The following STRIP2 variants were observed in gnomAD, a reference collection of about 807,000 sequenced individuals.
STRIP2 encodes striatin-interacting protein 2.
STRIP2 carries 84 observed loss-of-function variants against 107.1 expected under a neutral mutation model. The ratio of observed to expected loss-of-function variants is 0.78; its 90% confidence interval spans 0.66 to 0.94. STRIP2 has a LOEUF of 0.94. Ranked by LOEUF, STRIP2 falls within the 40% of genes least tolerant of loss-of-function variation. STRIP2 has a pLI of 0.00. For synonymous variants in STRIP2, 394 were observed against 400.4 expected (o/e 0.98, Z 0.19); for missense variants, 888 against 1,034.2 (o/e 0.86, Z 1.94).
At chr7:129,477,146 G>GGAGA (rs1798983883) in intron 18 of STRIP2, among the ~76,000 whole-genome samples, 2 of 146,326 alleles carry the variant, frequency 1.4e-5, no homozygotes, top group Non-Finnish European at 3.0e-5. Flanking sequence ...CTTCCGCTCG[G>GGAGA]CATCAGAGGG....
chr7:129,472,804 T>TG (rs774857886), intron 18 of STRIP2, among the ~76,000 whole-genome samples: 46 of 136,770 alleles, frequency 3.4e-4, no homozygotes, highest in Non-Finnish European at 5.7e-4. Context: ...TTTTTTTTTT[T>TG]GAGACAGAGT....
At chr7:129,439,052 A>G (rs1050834077) in intron 1 of STRIP2, among the ~76,000 whole-genome samples, 1 of 152,168 alleles carries the variant, frequency 6.6e-6, no homozygotes, top group Non-Finnish European at 1.5e-5. Context: ...TATTGGCCAC[A>G]TGACTGAACT....
At chr7:129,435,879 A>G (rs1797724602) in intron 1 of STRIP2, among the ~76,000 whole-genome samples, 2 of 152,134 alleles carry the variant, frequency 1.3e-5, no homozygotes, top group Non-Finnish European at 2.9e-5. Flanking sequence ...CAGTTTCCAA[A>G]GTGATTTCAT....
In STRIP2 at chr7:129,485,770, C is replaced by T. The variant is rs1799232059; in HGVS notation, c.2446C>T (p.Leu816Phe). 1 of 1,614,074 alleles carries T rather than the reference C, an allele frequency of 6.2e-7. No homozygotes were observed. Among genetic ancestry groups the T allele is most frequent in the Non-Finnish European group, 8.5e-7 (1 of 1,180,052 alleles). The part of the protein sequence containing the change: ...EDFHYSYELW[L>F]EREVFSQPIC... ...TTTCCACTATTCATATGAGCTCTGG[C>T]TCGAGAGAGAGGTGTTTTCACAGCC... is the stretch of plus-strand genomic sequence containing the variant. Residue 816 changes from leucine to phenylalanine, a missense_variant, in exon 21 of 21, where the codon CTC (leucine) becomes TTC (phenylalanine). Leu to Phe is a conservative substitution (Grantham distance 22, BLOSUM62 0). Coordinates refer to ENST00000249344, the MANE Select transcript of STRIP2 (RefSeq NM_020704.3).
chr7:129,474,197 G>A (rs1275850452), intron 18 of STRIP2, among the ~76,000 whole-genome samples: 3 of 151,580 alleles, frequency 2.0e-5, no homozygotes, highest in African/African-American at 4.9e-5. Context: ...CTTGAGTGCA[G>A]TGGTGTGATC....
At chr7:129,445,061 G>A (rs913810199) in intron 3 of STRIP2, among the ~76,000 whole-genome samples, 4 of 152,152 alleles carry the variant, frequency 2.6e-5, no homozygotes, top group African/African-American at 4.8e-5. Context: ...TTGGCAGGTC[G>A]TGGTTTTTTT....
chr7:129,460,881 CTT>C (rs1259304028), intron 13 of STRIP2, among the ~76,000 whole-genome samples: 2 of 152,260 alleles, frequency 1.3e-5, no homozygotes, highest in African/African-American at 4.8e-5. Context: ...CCTGAGGCCA[CTT>C]TGCCGAGGAC....
In STRIP2 at chr7:129,486,996, CTTTTTTTTTTTTTTTTTTTTTTT is replaced by C; in HGVS notation, c.*1179_*1201del. 1.9e-5 allele frequency: 1 copy of C among 53,206 alleles called. No homozygotes were observed. Among genetic ancestry groups the C allele is most frequent in the Non-Finnish European group, 3.1e-5 (1 of 31,796 alleles). 3.3% of individuals were successfully genotyped at this position (53,206 alleles called of 1,614,324 possible). A position where few individuals can be genotyped will look rare whatever the true frequency, so the allele number is the denominator to read the frequency against. ...TTTCTGATTTAGTTAGGATCATATG[CTTTTTTTTTTTTTTTTTTTTTTT>C]TTTTTTTTTTTGAGACAGAGTTTCG... On this transcript the variant is annotated 3_prime_UTR_variant, in exon 21 of 21. Transcript: ENST00000249344.
At chr7:129,445,314 A>T (rs140252520) in intron 3 of STRIP2, among the ~76,000 whole-genome samples, 1 of 152,024 alleles carries the variant, frequency 6.6e-6, no homozygotes, top group Non-Finnish European at 1.5e-5. Flanking sequence ...CTCCCTTCTT[A>T]GCCTGTTGAC....
rs771268938 is a variant in STRIP2 at position 129,454,544 on chromosome 7, G to C, written c.706+17G>C. ...CTGAATTAAGTAAGAAATGGCACTT[G>C]AGGAAGGTGTGGATGGGGTGCTAAT... On this transcript the variant is annotated intron_variant, in intron 7 of 20. Coordinates refer to ENST00000249344, the MANE Select transcript of STRIP2 (RefSeq NM_020704.3). 1.3e-6 allele frequency: 2 copies of C among 1,547,170 alleles called. No homozygotes were observed. Among genetic ancestry groups the C allele is most frequent in the Non-Finnish European group, 1.8e-6 (2 of 1,118,948 alleles).
intron 1 of STRIP2, 78 bp from the exon 2 acceptor site, chr7:129,439,944 T>C: frequency 8.7e-7 from 1 of 1,150,540 alleles, no homozygotes; most frequent in East Asian, 2.4e-5. Flanking sequence ...GGGAAGAAGA[T>C]AAATAAGGGT....
intron 16 of STRIP2, among the ~76,000 whole-genome samples, chr7:129,466,669 A>G (rs868499155): frequency 6.6e-6 from 1 of 152,140 alleles, no homozygotes; most frequent in African/African-American, 2.4e-5. Context: ...GATTTGGGAG[A>G]GCAGAATGGA....
intron 14 of STRIP2, among the ~76,000 whole-genome samples, chr7:129,463,387 A>G (rs1272593): frequency 0.88 from 134,261 of 152,178 alleles, 59,469 homozygotes; most frequent in East Asian, 0.97. Flanking sequence ...CCAATGGTTC[A>G]GGTTAGAGGA....
chr7:129,458,842 C>G lies in STRIP2; in HGVS notation c.1340+65C>G. On this transcript the variant is annotated intron_variant, in intron 11 of 20. Transcript: ENST00000249344. This position sits in a 1 kb window ranked among gnomAD's most constrained non-coding sequence, Gnocchi z 4.6. ...CCTAGGGGGCCAGAGGAGCAGGTAGCTTGGAATGAGGGATGGTGCCTGGTG... is the reference window on the plus strand; with the variant it reads ...CCTAGGGGGCCAGAGGAGCAGGTAGGTTGGAATGAGGGATGGTGCCTGGTG... 6.6e-7 allele frequency: 1 copy of G among 1,517,580 alleles called. No individual in the cohort carries two copies. Among genetic ancestry groups the G allele is most frequent in the Non-Finnish European group, 9.1e-7 (1 of 1,093,314 alleles). The allele number at this position is 1,517,580 out of a possible 1,614,324, so 94.0% of individuals were successfully genotyped here.
intron 18 of STRIP2, among the ~76,000 whole-genome samples, chr7:129,475,092 T>C (rs1024213323): frequency 3.3e-5 from 5 of 152,106 alleles, no homozygotes; most frequent in Admixed American, 1.3e-4. Flanking sequence ...TAGGAAAAAA[T>C]TGAAATAAAA....
intron 18 of STRIP2, among the ~76,000 whole-genome samples, chr7:129,476,535 G>A (rs1402765266): frequency 6.6e-6 from 1 of 151,612 alleles, no homozygotes; most frequent in Non-Finnish European, 1.5e-5. Context: ...TCAGCTCCCA[G>A]ACAGGGTCGC....
chr7:129,446,910 TTGA>T (rs1798052610), intron 3 of STRIP2, among the ~76,000 whole-genome samples: 1 of 152,212 alleles, frequency 6.6e-6, no homozygotes, highest in Non-Finnish European at 1.5e-5. Context: ...GCATGGTGAC[TTGA>T]TGACCCATAG....
chr7:129,468,094 A>C (rs181223189), intron 17 of STRIP2, among the ~76,000 whole-genome samples: 132 of 152,262 alleles, frequency 8.7e-4, no homozygotes, highest in Non-Finnish European at 1.5e-3. Flanking sequence ...GTGAATACAA[A>C]TTGCTTTCCA....
chr7:129,476,281 ACG>A (rs1405497337), intron 18 of STRIP2, among the ~76,000 whole-genome samples: 22 of 84,202 alleles, frequency 2.6e-4, no homozygotes, highest in Non-Finnish European at 5.2e-4. Flanking sequence ...CCGGGCAGAG[ACG>A]CTCCTCACTT....
Sources: allele counts gnomAD v4.1 joint callset (sites outside exome capture counted in the v4.1 genomes callset), GRCh38; gene constraint gnomAD v4.1.1; non-coding constraint Gnocchi (gnomAD v3.1); transcripts MANE v1.5; gene names NCBI Gene and HGNC (gene_info 2026-07-23, HGNC 2026-07-21).